The following GALNT17 variants were observed in gnomAD, a reference collection of about 807,000 sequenced individuals.
GALNT17 encodes the protein UDP-GalNAc:polypeptide N-acetylgalactosaminyltransferase-like 3.
A neutral mutation model predicts 63.7 loss-of-function variants in GALNT17; 29 were observed. The observed-to-expected ratio is 0.46, with a 90% CI of 0.34 to 0.62. The LOEUF is 0.62. Among genes scored for constraint, GALNT17 ranks in the 20% least tolerant of loss-of-function variants. The pLI is 0.01. For missense variants in GALNT17, 603 were observed against 799.6 expected (o/e 0.75, Z 2.97); for synonymous variants, 305 against 318.3 (o/e 0.96, Z 0.45).
chr7:71,572,510 A>AAC (rs1554310726), intron 6 of GALNT17, among the ~76,000 whole-genome samples: 3 of 109,904 alleles, frequency 2.7e-5, no homozygotes, highest in South Asian at 2.9e-4. Context: ...TCATTAAAAA[A>AAC]AAAAAAAAAA....
At chr7:71,331,496 C>T (rs1005212765) in intron 1 of GALNT17, among the ~76,000 whole-genome samples, 1 of 152,090 alleles carries the variant, frequency 6.6e-6, no homozygotes, top group Non-Finnish European at 1.5e-5. Context: ...TCATTTGAGG[C>T]CAGGAGTCTG....
intron 1 of GALNT17, among the ~76,000 whole-genome samples, chr7:71,142,557 A>G (rs1787936071): frequency 6.6e-6 from 1 of 152,226 alleles, no homozygotes; most frequent in Non-Finnish European, 1.5e-5. Context: ...TAAGAGTACA[A>G]TGAGGTGCAG....
At chr7:71,151,073 T>C (rs950808360) in intron 1 of GALNT17, among the ~76,000 whole-genome samples, 7 of 152,050 alleles carry the variant, frequency 4.6e-5, no homozygotes, top group African/African-American at 1.7e-4. Context: ...ATCTCCTGTG[T>C]GGGACCATTG....
chr7:71,431,515 G>T (rs569168769), intron 5 of GALNT17, among the ~76,000 whole-genome samples: 42 of 152,032 alleles, frequency 2.8e-4, no homozygotes, highest in African/African-American at 9.4e-4. Flanking sequence ...TGGCCAAGAT[G>T]AATATTATTA....
intron 1 of GALNT17, among the ~76,000 whole-genome samples, chr7:71,313,776 A>T (rs1791453186): frequency 6.6e-6 from 1 of 152,100 alleles, no homozygotes; most frequent in Non-Finnish European, 1.5e-5. Flanking sequence ...ATGATTACAT[A>T]TTGGGTTTGA....
At chr7:71,464,897 G>A (rs1787510487) in intron 5 of GALNT17, among the ~76,000 whole-genome samples, 1 of 152,200 alleles carries the variant, frequency 6.6e-6, no homozygotes, top group African/African-American at 2.4e-5. Flanking sequence ...CTCAGTGCAG[G>A]ACAGCCAATA....
Position 71,301,313 on chromosome 7 carries a change from CT to C in GALNT17, c.239-34232del, listed in dbSNP as rs1208053782. 2.0e-5 allele frequency among the ~76,000 whole-genome samples: 3 copies of C among 146,858 alleles called. No homozygotes were observed. The Admixed American group carries it at 2.1e-4, about 10-fold the overall frequency. Reference sequence around the variant, plus strand: ...TTACTTTTTTTTTAAAGTAATAATACTTTTTAAAAAATATTTTTTAATTATT... The same window carrying C: ...TTACTTTTTTTTTAAAGTAATAATACTTTTAAAAAATATTTTTTAATTATT... On this transcript the variant is annotated intron_variant, in intron 1 of 10. Transcript: ENST00000333538.
intron 6 of GALNT17, among the ~76,000 whole-genome samples, chr7:71,574,534 T>C (rs1789503100): frequency 6.6e-6 from 1 of 152,174 alleles, no homozygotes; most frequent in Admixed American, 6.5e-5. Context: ...GGCTGCAAGG[T>C]GATCTTGACA....
chr7:71,421,241 T>G, intron 5 of GALNT17, 136 bp downstream of exon 5: 1 of 881,646 alleles, frequency 1.1e-6, no homozygotes, highest in Non-Finnish European at 1.7e-6. Context: ...GCCGCCGTTG[T>G]CTCAGGATCA....
intron 1 of GALNT17, among the ~76,000 whole-genome samples, chr7:71,178,865 T>C (rs1313549433): frequency 6.6e-6 from 1 of 151,980 alleles, no homozygotes; most frequent in Non-Finnish European, 1.5e-5. Context: ...CTTGGGTTGA[T>C]TTTTTTTAAA....
At chr7:71,317,857 G>A (rs1051810509) in intron 1 of GALNT17, among the ~76,000 whole-genome samples, 1 of 151,990 alleles carries the variant, frequency 6.6e-6, no homozygotes, top group Non-Finnish European at 1.5e-5. Flanking sequence ...GAAGAATTTG[G>A]CTTCTTCCTT....
At chr7:71,164,126 G>C (rs1788394324) in intron 1 of GALNT17, among the ~76,000 whole-genome samples, 1 of 152,140 alleles carries the variant, frequency 6.6e-6, no homozygotes, top group African/African-American at 2.4e-5. Flanking sequence ...TCCTAGGAGT[G>C]TTGGTGAATT....
chr7:71,382,038 T>C lies in GALNT17; in HGVS notation c.423-6197T>C, dbSNP rs1275662663. ...GTTGAAGGAAGTATGGAGAGTCCAG[T>C]TGGACTGGACGAACTTGAAACCAGG... is the stretch of plus-strand genomic sequence containing the variant. On this transcript the variant is annotated intron_variant, in intron 2 of 10. Coordinates refer to ENST00000333538, the MANE Select transcript of GALNT17 (RefSeq NM_022479.3). Among the ~76,000 whole-genome samples, 4 of 152,126 alleles carry C rather than the reference T, an allele frequency of 2.6e-5. No homozygotes were observed. In the East Asian group the frequency reaches 7.8e-4, roughly 30 times the overall value.
chr7:71,143,913 G>A (rs1310661484), intron 1 of GALNT17, among the ~76,000 whole-genome samples: 1 of 151,854 alleles, frequency 6.6e-6, no homozygotes, highest in African/African-American at 2.4e-5. Context: ...TGGGTATAGA[G>A]AGCTGGTGTT....
intron 5 of GALNT17, among the ~76,000 whole-genome samples, chr7:71,538,568 G>C (rs535870477): frequency 6.6e-6 from 1 of 152,174 alleles, no homozygotes; most frequent in Non-Finnish European, 1.5e-5. Flanking sequence ...CAGTGCCTGC[G>C]AAAGATCTTT....
chr7:71,596,142 A>C (rs1478230508), intron 6 of GALNT17, among the ~76,000 whole-genome samples: 1 of 152,038 alleles, frequency 6.6e-6, no homozygotes, highest in Non-Finnish European at 1.5e-5. Context: ...GGGTTCAAGC[A>C]ATTCTCCTGC....
chr7:71,582,605 G>GTATA (rs1341983216), intron 6 of GALNT17, among the ~76,000 whole-genome samples: 1 of 151,672 alleles, frequency 6.6e-6, no homozygotes, highest in Non-Finnish European at 1.5e-5. Flanking sequence ...AGAATCTGTG[G>GTATA]TATATATATA....
chr7:71,329,734 C>A (rs573925911), intron 1 of GALNT17, among the ~76,000 whole-genome samples: 1 of 151,938 alleles, frequency 6.6e-6, no homozygotes, highest in African/African-American at 2.4e-5. Flanking sequence ...ATCACAAGAA[C>A]AGCAAGAGGG....
intron 5 of GALNT17, among the ~76,000 whole-genome samples, chr7:71,481,295 C>T (rs925007274): frequency 6.6e-6 from 1 of 152,008 alleles, no homozygotes; most frequent in African/African-American, 2.4e-5. Flanking sequence ...CAAAAAAATA[C>T]AAAAATTAGT....
Sources: allele counts gnomAD v4.1 joint callset (sites outside exome capture counted in the v4.1 genomes callset), GRCh38; gene constraint gnomAD v4.1.1; transcripts MANE v1.5; gene names NCBI Gene and HGNC (gene_info 2026-07-23, HGNC 2026-07-21).